The following SHISA7 variants were observed in gnomAD, a reference collection of about 807,000 sequenced individuals.
SHISA7 encodes protein shisa-7.
A neutral mutation model predicts 23.9 loss-of-function variants in SHISA7; 6 were observed. The ratio of observed to expected loss-of-function variants is 0.25; its 90% CI spans 0.14 to 0.50. The LOEUF is 0.50. Among genes scored for constraint, SHISA7 ranks in the 20% least tolerant of loss-of-function variants. The pLI, the probability that SHISA7 is intolerant of heterozygous loss-of-function variation, is 0.98. For synonymous variants in SHISA7, 386 were observed against 398.3 expected, an observed-to-expected ratio of 0.97 and a Z score of 0.37; for missense variants, 671 against 801.1, an observed-to-expected ratio of 0.84 and a Z score of 1.96.
intron 3 of SHISA7, among the ~76,000 whole-genome samples, chr19:55,436,357 C>T (rs1017145185): frequency 2.0e-5 from 3 of 151,934 alleles, no homozygotes; most frequent in Non-Finnish European, 4.4e-5. Flanking sequence ...TTAATCCCAG[C>T]ACTTTGGGAG....
intron 2 of SHISA7, among the ~76,000 whole-genome samples, chr19:55,438,168 C>A (rs557624370): frequency 1.3e-5 from 2 of 152,224 alleles, no homozygotes; most frequent in African/African-American, 4.8e-5. Context: ...TCCCTCAGAC[C>A]CAGCAGTTCT....
intron 1 of SHISA7, 43 bp downstream of exon 1, chr19:55,442,150 C>T (rs999051685): frequency 3.4e-6 from 5 of 1,488,754 alleles, no homozygotes; most frequent in East Asian, 2.8e-5. Flanking sequence ...CTTGCTGGGC[C>T]CCGCCCCAGG....
chr19:55,432,735 T>C lies in SHISA7; in HGVS notation c.*421A>G. The stretch of plus-strand genomic sequence containing the variant: ...AGTGACACCACAGGAAGGAATGTCA[T>C]GGAACAAGGCGTCGTCTCTGTTATT... On this transcript the variant is annotated 3_prime_UTR_variant, in exon 4 of 4. Transcript: ENST00000376325. This position sits in a 1 kb window ranked among gnomAD's most constrained non-coding sequence, Gnocchi z 4.6. 6.3e-6 allele frequency: 1 copy of C among 159,636 alleles called. No homozygotes were observed. Among genetic ancestry groups the C allele is most frequent in the Admixed American group, 6.5e-5 (1 of 15,436 alleles). 9.9% of individuals were successfully genotyped at this position (159,636 alleles called of 1,614,324 possible).
chr19:55,431,842 A>T lies in SHISA7; in HGVS notation c.*1314T>A, dbSNP rs1985214765. On this transcript the variant is annotated 3_prime_UTR_variant, in exon 4 of 4. Transcript: ENST00000376325. ...TCCAGAGTGGCCTCCTGGGAGCAGAAGGCCATCTGGAGGTCCTGTCTCCCA... is the reference window on the plus strand; with the variant it reads ...TCCAGAGTGGCCTCCTGGGAGCAGATGGCCATCTGGAGGTCCTGTCTCCCA... 6.6e-6 allele frequency: 1 copy of T among 152,184 alleles called. No individual in the cohort carries two copies. The highest frequency in any genetic ancestry group is 1.5e-5 in the Non-Finnish European group (1 of 68,030). 9.4% of individuals were successfully genotyped at this position (152,184 alleles called of 1,614,324 possible).
chr19:55,442,459 G>T lies in SHISA7; in HGVS notation c.405C>A (p.Arg135=), dbSNP rs1331470862. ...CTAGCGGCGGCGGCGTGGTGGCCCAGCGCGGCGTGTCGTAGTTGGAGCAGG... is the reference window on the plus strand; with the variant it reads ...CTAGCGGCGGCGGCGTGGTGGCCCATCGCGGCGTGTCGTAGTTGGAGCAGG... ...QASCSNYDTP[R]WATTPPPLAG... Residue 135 remains arginine (R), a synonymous_variant, in exon 1 of 4, where the codon CGC becomes CGA. Transcript: ENST00000376325. 8 of 1,441,454 alleles carry T rather than the reference G, an allele frequency of 5.5e-6. No individual in the cohort carries two copies. The highest frequency in any genetic ancestry group is 7.3e-6 in the Non-Finnish European group (8 of 1,096,098). The allele number at this position is 1,441,454 out of a possible 1,614,324, so 89.3% of individuals were successfully genotyped here.
intron 2 of SHISA7, among the ~76,000 whole-genome samples, chr19:55,438,132 C>T (rs1396249572): frequency 6.6e-6 from 1 of 151,544 alleles, no homozygotes; most frequent in South Asian, 2.1e-4. Context: ...CCCTCAGACC[C>T]AGGCGTCCAG....
chr19:55,438,666 C>T (rs1328707276), intron 2 of SHISA7: 2 of 1,295,898 alleles, frequency 1.5e-6, no homozygotes, highest in South Asian at 1.2e-5. Context: ...ACTGCCATCA[C>T]TGACTCCCAG....
chr19:55,434,650 GGT>G (rs778400659), intron 3 of SHISA7, among the ~76,000 whole-genome samples: 15 of 46,266 alleles, frequency 3.2e-4, no homozygotes, highest in Admixed American at 5.3e-4. Context: ...TTGTGTGTAT[GGT>G]GTGTGTGGTG....
At chr19:55,434,900 GGTGT>G (rs535562052) in intron 3 of SHISA7, among the ~76,000 whole-genome samples, 1 of 126,868 alleles carries the variant, frequency 7.9e-6, no homozygotes, top group Admixed American at 8.2e-5. Flanking sequence ...TGGTGTGTGT[GGTGT>G]GTGTGTATAT....
intron 2 of SHISA7, among the ~76,000 whole-genome samples, chr19:55,440,216 C>T (rs1290277084): frequency 1.3e-5 from 2 of 152,122 alleles, no homozygotes; most frequent in East Asian, 3.9e-4. Flanking sequence ...GGTCACTTGC[C>T]CCAGGTCACA....
chr19:55,442,132 C>T, intron 1 of SHISA7, 61 bp downstream of exon 1: 1 of 1,448,038 alleles, frequency 6.9e-7, no homozygotes, highest in Middle Eastern at 1.9e-4. Context: ...TCGGATGGCT[C>T]CACCTCCCTT....
At chr19:55,438,842 G>A (rs1364360230) in intron 2 of SHISA7, among the ~76,000 whole-genome samples, 2 of 148,956 alleles carry the variant, frequency 1.3e-5, no homozygotes, top group African/African-American at 5.0e-5. Flanking sequence ...CTCAGGGCTG[G>A]GTAAGTGGTC....
At chr19:55,441,514 A>C (rs1384899761) in intron 1 of SHISA7, among the ~76,000 whole-genome samples, 2 of 152,112 alleles carry the variant, frequency 1.3e-5, no homozygotes, top group African/African-American at 4.8e-5. Flanking sequence ...TCCCCTGCCC[A>C]AAACCTCTCG....
chr19:55,433,282 GC>G lies in SHISA7; in HGVS notation c.1490del (p.Gly497AlafsTer40). On this transcript the variant is annotated frameshift_variant, in exon 4 of 4. Coordinates refer to ENST00000376325, the MANE Select transcript of SHISA7 (RefSeq NM_001145176.2). LOFTEE classifies it high-confidence loss of function. The surrounding 1 kb of genome is among the most constrained non-coding windows in gnomAD (Gnocchi z 8.4). Reference protein sequence around the residue: ...QPAWMSDAGGGGGTLARRPPF... With the variant: ...QPAWMSDAGGXGGTLARRPPF... ...GCGGCCTGCGGGCCAGTGTGCCCCC[GC>G]CCCCGCCGGCGTCGGACATCCAGGC... The G allele has an allele frequency of 1.3e-6, 2 of 1,506,034 alleles. No homozygotes were observed. The highest frequency in any genetic ancestry group is 1.4e-5 in the African/African-American group (1 of 69,146). 93.3% of individuals were successfully genotyped at this position (1,506,034 alleles called of 1,614,324 possible).
rs1599870392 is a variant in SHISA7, at chr19:55,432,553, T to C, written c.*603A>G. On this transcript the variant is annotated 3_prime_UTR_variant, in exon 4 of 4. Coordinates refer to ENST00000376325, the MANE Select transcript of SHISA7 (RefSeq NM_001145176.2). This position sits in a 1 kb window ranked among gnomAD's most constrained non-coding sequence, Gnocchi z 4.6. ...GTGAGGCATTTTCCCCTGCGACGTG[T>C]CCCAGGAAGATGGCTTTGTCTGTAA... is the stretch of plus-strand genomic sequence containing the variant. The C allele has an allele frequency of 6.6e-6, 1 of 152,584 alleles. No homozygotes were observed. The highest frequency in any genetic ancestry group is 6.6e-5 in the Admixed American group (1 of 15,262). The allele number at this position is 152,584 out of a possible 1,614,324, so 9.5% of individuals were successfully genotyped here. A position where few individuals can be genotyped will look rare whatever the true frequency, so the allele number is the denominator to read the frequency against.
chr19:55,438,028 G>A (rs1985509553), intron 2 of SHISA7, among the ~76,000 whole-genome samples: 1 of 124,480 alleles, frequency 8.0e-6, no homozygotes, highest in Admixed American at 8.4e-5. Flanking sequence ...TCAGACCCAG[G>A]CGTCCAGGCC....
intron 2 of SHISA7, chr19:55,438,616 G>C: frequency 7.7e-7 from 1 of 1,304,320 alleles, no homozygotes; most frequent in Non-Finnish European, 1.0e-6. Context: ...GGTAGCTGTG[G>C]TGCAGATTAT....
At chr19:55,438,687 G>T in intron 2 of SHISA7, 1 of 1,267,552 alleles carries the variant, frequency 7.9e-7, no homozygotes, top group Non-Finnish European at 1.0e-6. Flanking sequence ...CTGGCACCGT[G>T]GCCCTGATCT....
chr19:55,434,931 T>C (rs1198842866), intron 3 of SHISA7, among the ~76,000 whole-genome samples: 1 of 124,190 alleles, frequency 8.1e-6, no homozygotes, highest in Non-Finnish European at 1.7e-5. Context: ...TGTGTGTATA[T>C]GTGGTGTGTG....
Sources: gnomAD v4.1 joint callset for allele counts (sites outside exome capture counted in the v4.1 genomes callset) on GRCh38, gnomAD v4.1.1 for gene constraint, Gnocchi (gnomAD v3.1) non-coding constraint, MANE v1.5 for transcripts, NCBI Gene and HGNC (gene_info 2026-07-23, HGNC 2026-07-21) for gene names.